The following UBE2E2 variants were observed in gnomAD, a reference collection of about 807,000 sequenced individuals.
UBE2E2 encodes ubiquitin conjugating enzyme E2 E2.
Under a neutral mutation model 24.7 loss-of-function variants are expected in UBE2E2, and 6 were observed. The observed-to-expected ratio is 0.24, with a 90% CI of 0.13 to 0.48. UBE2E2 has a LOEUF of 0.48. Among genes scored for constraint, UBE2E2 ranks in the 20% least tolerant of loss-of-function variants. The pLI is 0.99. For synonymous variants in UBE2E2, 104 were observed against 83.6 expected, an observed-to-expected ratio of 1.24 and a Z score of -1.33; for missense variants, 169 against 245.0, an observed-to-expected ratio of 0.69 and a Z score of 2.07.
chr3:23,508,915 A>G (rs1694519771), intron 4 of UBE2E2, among the ~76,000 whole-genome samples: 1 of 152,186 alleles, frequency 6.6e-6, no homozygotes, highest in African/African-American at 2.4e-5. Context: ...CAGGGCTCAG[A>G]AAAGGTTCAA....
upstream of UBE2E2, chr3:23,203,155 T>C (rs1013029343): frequency 3.0e-6 from 3 of 983,844 alleles, no homozygotes; most frequent in Non-Finnish European, 3.6e-6. Context: ...CCGGAGGTGG[T>C]GGCTTCACTT....
chr3:23,570,187 G>A (rs1464824814), intron 5 of UBE2E2, among the ~76,000 whole-genome samples: 2 of 152,164 alleles, frequency 1.3e-5, no homozygotes, highest in African/African-American at 4.8e-5. Flanking sequence ...CTCCTTGCGG[G>A]TGAGGGATAG....
At chr3:23,479,859 C>A (rs1699219252) in intron 3 of UBE2E2, among the ~76,000 whole-genome samples, 1 of 152,108 alleles carries the variant, frequency 6.6e-6, no homozygotes, top group South Asian at 2.1e-4. Context: ...TTTATGTGCT[C>A]AGAATGGAGG....
chr3:23,343,280 T>C (rs984826709), intron 3 of UBE2E2, among the ~76,000 whole-genome samples: 25 of 151,688 alleles, frequency 1.6e-4, no homozygotes, highest in African/African-American at 4.8e-4. Context: ...GTATATTCAA[T>C]TTAAAAACTT....
intron 3 of UBE2E2, among the ~76,000 whole-genome samples, chr3:23,367,876 T>G (rs1246802448): frequency 6.6e-6 from 1 of 152,138 alleles, no homozygotes; most frequent in Non-Finnish European, 1.5e-5. Flanking sequence ...CCAGCTGGTG[T>G]CCACTGCAGA....
At chr3:23,513,651 G>C (rs1694658913) in intron 4 of UBE2E2, among the ~76,000 whole-genome samples, 1 of 152,058 alleles carries the variant, frequency 6.6e-6, no homozygotes, top group African/African-American at 2.4e-5. Context: ...CTCCAAAGAA[G>C]CTATACAAAG....
chr3:23,468,953 G>A (rs1363445516), intron 3 of UBE2E2, among the ~76,000 whole-genome samples: 2 of 152,196 alleles, frequency 1.3e-5, no homozygotes, highest in Non-Finnish European at 2.9e-5. Flanking sequence ...GATCTTATGT[G>A]ACCTCATTGT....
intron 3 of UBE2E2, among the ~76,000 whole-genome samples, chr3:23,433,993 A>G (rs1698125690): frequency 6.6e-6 from 1 of 152,074 alleles, no homozygotes; most frequent in South Asian, 2.1e-4. Flanking sequence ...ATATAGTGAA[A>G]CCCATTTTAT....
At chr3:23,208,974 C>T (rs1696236636) in intron 2 of UBE2E2, 99 bp downstream of exon 2, 15 of 1,257,616 alleles carry the variant, frequency 1.2e-5, no homozygotes, top group South Asian at 1.7e-5. Flanking sequence ...GGATGTCGGC[C>T]GTGAACTTCA....
chr3:23,318,882 G>A (rs1158496043), intron 3 of UBE2E2, among the ~76,000 whole-genome samples: 1 of 152,154 alleles, frequency 6.6e-6, no homozygotes, highest in Admixed American at 6.5e-5. Context: ...AAATATATCT[G>A]TGTAAATAAC....
intron 3 of UBE2E2, among the ~76,000 whole-genome samples, chr3:23,486,698 C>T (rs1699380307): frequency 6.6e-6 from 1 of 152,152 alleles, no homozygotes; most frequent in Non-Finnish European, 1.5e-5. Flanking sequence ...TCAGGAGACT[C>T]AAAGTGGTAA....
intron 3 of UBE2E2, among the ~76,000 whole-genome samples, chr3:23,498,703 G>T (rs992534230): frequency 1.3e-5 from 2 of 152,072 alleles, no homozygotes; most frequent in Admixed American, 6.6e-5. Flanking sequence ...TTTTCTAGGG[G>T]CCAGGTGTGG....
intron 3 of UBE2E2, among the ~76,000 whole-genome samples, chr3:23,256,614 A>G (rs1156993119): frequency 6.6e-6 from 1 of 150,748 alleles, no homozygotes. Context: ...AGCAATTAAT[A>G]AAATCCCTTT....
intron 2 of UBE2E2, among the ~76,000 whole-genome samples, chr3:23,211,647 T>C (rs768056116): frequency 6.6e-6 from 1 of 152,076 alleles, no homozygotes; most frequent in Non-Finnish European, 1.5e-5. Flanking sequence ...CCTCCTGCCT[T>C]GGTCTCTCAA....
chr3:23,462,109 T>C (rs1698815594), intron 3 of UBE2E2, among the ~76,000 whole-genome samples: 1 of 152,208 alleles, frequency 6.6e-6, no homozygotes, highest in Non-Finnish European at 1.5e-5. Context: ...GTATGAAATA[T>C]ATTTTCAAAA....
intron 3 of UBE2E2, among the ~76,000 whole-genome samples, chr3:23,401,543 G>C (rs917253219): frequency 2.0e-5 from 3 of 152,092 alleles, no homozygotes; most frequent in Admixed American, 2.0e-4. Flanking sequence ...TTCAAAACCT[G>C]TGCTCCCAAC....
intron 3 of UBE2E2, among the ~76,000 whole-genome samples, chr3:23,366,950 A>G (rs1336250857): frequency 6.6e-6 from 1 of 152,192 alleles, no homozygotes; most frequent in East Asian, 1.9e-4. Flanking sequence ...TTTTGTATGT[A>G]CAATAGCACA....
At chr3:23,545,169 C>A (rs942863640) in intron 5 of UBE2E2, among the ~76,000 whole-genome samples, 4 of 152,140 alleles carry the variant, frequency 2.6e-5, no homozygotes, top group Non-Finnish European at 5.9e-5. Flanking sequence ...CTGCAAGAGG[C>A]ATGCCTTCCT....
chr3:23,578,606 G>A (rs1006658744), intron 5 of UBE2E2, among the ~76,000 whole-genome samples: 54 of 152,138 alleles, frequency 3.5e-4, no homozygotes, highest in African/African-American at 1.2e-3. Flanking sequence ...CCATAAAAAG[G>A]AACAAGATCA....
Sources: gnomAD v4.1 joint callset for allele counts (sites outside exome capture counted in the v4.1 genomes callset) on GRCh38, gnomAD v4.1.1 for gene constraint, MANE v1.5 for transcripts, NCBI Gene and HGNC (gene_info 2026-07-23, HGNC 2026-07-21) for gene names.